The following SNTG1 variants were observed in gnomAD, a reference collection of about 807,000 sequenced individuals.
The protein encoded by SNTG1 is syntrophin gamma 1.
Under a neutral mutation model 74.7 loss-of-function variants are expected in SNTG1, and 39 were observed. The ratio of observed to expected loss-of-function variants is 0.52; its 90% CI spans 0.40 to 0.68. The LOEUF is 0.68. SNTG1 is among the 30% of genes least tolerant of loss of function. SNTG1 has a pLI of 0.00. For synonymous variants in SNTG1, 254 were observed against 217.1 expected (o/e 1.17, Z -1.49); for missense variants, 685 against 609.5 (o/e 1.12, Z -1.30).
intron 2 of SNTG1, among the ~76,000 whole-genome samples, chr8:50,383,714 G>C (rs897697307): frequency 6.6e-6 from 1 of 152,122 alleles, no homozygotes; most frequent in African/African-American, 2.4e-5. Context: ...CCTGAACGGG[G>C]TTATTGCAGT....
chr8:50,535,127 G>T (rs778951253), intron 10 of SNTG1, among the ~76,000 whole-genome samples: 1 of 152,188 alleles, frequency 6.6e-6, no homozygotes, highest in Non-Finnish European at 1.5e-5. Context: ...GAGCCATTTA[G>T]CTGGGCTAGA....
At chr8:50,705,150 A>G (rs1158254983) in intron 16 of SNTG1, among the ~76,000 whole-genome samples, 1 of 152,098 alleles carries the variant, frequency 6.6e-6, no homozygotes, top group African/African-American at 2.4e-5. Context: ...CTTTGCCTCC[A>G]TCCTTCAAAG....
At chr8:50,340,696 T>A (rs915613745) in intron 2 of SNTG1, among the ~76,000 whole-genome samples, 5 of 151,886 alleles carry the variant, frequency 3.3e-5, no homozygotes, top group Non-Finnish European at 5.9e-5. Flanking sequence ...TACCAAAGCA[T>A]GATCTATGAA....
intron 1 of SNTG1, among the ~76,000 whole-genome samples, chr8:49,998,496 C>T (rs568695690): frequency 3.2e-4 from 48 of 151,656 alleles, no homozygotes; most frequent in African/African-American, 1.1e-3. Context: ...TAAAACTGTA[C>T]AAAATATTTT....
chr8:50,038,178 C>T (rs558195142), intron 1 of SNTG1, among the ~76,000 whole-genome samples: 5 of 152,264 alleles, frequency 3.3e-5, no homozygotes, highest in African/African-American at 9.6e-5. Flanking sequence ...CTTCTGTACA[C>T]GTGGAAAACA....
intron 2 of SNTG1, among the ~76,000 whole-genome samples, chr8:50,326,494 T>C (rs2090755015): frequency 6.6e-6 from 1 of 152,010 alleles, no homozygotes. Flanking sequence ...TATTTTATAG[T>C]ATTTTTTGTT....
At chr8:50,769,788 T>A (rs1338382611) in intron 18 of SNTG1, among the ~76,000 whole-genome samples, 1 of 152,084 alleles carries the variant, frequency 6.6e-6, no homozygotes, top group East Asian at 1.9e-4. Flanking sequence ...AAACCTGATA[T>A]TGAGATACAA....
chr8:50,792,621 T>A, intron 18 of SNTG1, 50 bp from the exon 19 acceptor site: 1 of 1,527,522 alleles, frequency 6.5e-7, no homozygotes, highest in Non-Finnish European at 8.8e-7. Context: ...TATAAATTTT[T>A]AAAGACATTA....
Position 50,358,455 on chromosome 8 carries a change from A to G in SNTG1, c.-27-35757A>G, listed in dbSNP as rs17771790. ...GTTTGATATTTGGCCTTGACACACT[A>G]AAGGAGAAAATCACATAAAGTGGGA... On this transcript the variant is annotated intron_variant, in intron 2 of 18. Transcript: ENST00000642720. Among the ~76,000 whole-genome samples, 909 of 152,292 alleles carry G rather than the reference A, an allele frequency of 6.0e-3. 6 individuals are homozygous for G. The highest frequency in any genetic ancestry group is 9.6e-3 in the Non-Finnish European group (656 of 68,006).
intron 2 of SNTG1, among the ~76,000 whole-genome samples, chr8:50,315,434 A>C (rs997135580): frequency 2.7e-5 from 4 of 150,110 alleles, no homozygotes; most frequent in Admixed American, 6.7e-5. Context: ...GTATAGTAAA[A>C]GAAATAAAAA....
intron 18 of SNTG1, among the ~76,000 whole-genome samples, chr8:50,776,541 T>C (rs1372669346): frequency 2.0e-5 from 3 of 148,420 alleles, no homozygotes; most frequent in African/African-American, 7.3e-5. Context: ...TATACTATTC[T>C]TTATATAATA....
intron 15 of SNTG1, among the ~76,000 whole-genome samples, chr8:50,674,918 AT>A (rs1424361058): frequency 7.2e-5 from 11 of 152,002 alleles, no homozygotes; most frequent in Non-Finnish European, 1.5e-4. Flanking sequence ...TAATTTCATT[AT>A]TTAACCAGGA....
At chr8:50,791,483 G>A (rs149522910) in intron 18 of SNTG1, among the ~76,000 whole-genome samples, 308 of 151,756 alleles carry the variant, frequency 2.0e-3, no homozygotes, top group African/African-American at 4.1e-3. Context: ...ATGGGGTATC[G>A]TACTCCTGTT....
At chr8:50,728,250 G>A (rs1030066566) in intron 17 of SNTG1, among the ~76,000 whole-genome samples, 1 of 152,096 alleles carries the variant, frequency 6.6e-6, no homozygotes, top group Non-Finnish European at 1.5e-5. Context: ...AACTATATAC[G>A]AAGAGGCCAT....
intron 8 of SNTG1, among the ~76,000 whole-genome samples, chr8:50,455,368 G>A (rs2093495569): frequency 6.6e-6 from 1 of 152,080 alleles, no homozygotes; most frequent in Non-Finnish European, 1.5e-5. Flanking sequence ...TTGTTTCTAT[G>A]ATTCTCATGA....
rs566440415 is a variant in SNTG1, at chr8:50,645,426, C to T, written c.850-11483C>T. On this transcript the variant is annotated intron_variant, in intron 13 of 18. Transcript: ENST00000642720. ...AGTTTTAAAGTCTGTCTGGTCCCTCCAAAATTTAAATATCTTATTTGTGTG... is the reference window on the plus strand; with the variant it reads ...AGTTTTAAAGTCTGTCTGGTCCCTCTAAAATTTAAATATCTTATTTGTGTG... Among the ~76,000 whole-genome samples, 5 of 152,114 alleles carry T rather than the reference C, an allele frequency of 3.3e-5. No individual in the cohort carries two copies. In the South Asian group the frequency reaches 1.0e-3, roughly 32 times the overall value.
At chr8:50,125,525 T>C (rs916416315) in intron 1 of SNTG1, among the ~76,000 whole-genome samples, 2 of 142,218 alleles carry the variant, frequency 1.4e-5, no homozygotes, top group African/African-American at 5.1e-5. Context: ...AGTTTAAATA[T>C]GTAGTATTAG....
chr8:50,718,870 C>T (rs2095481003), intron 17 of SNTG1, among the ~76,000 whole-genome samples: 2 of 152,202 alleles, frequency 1.3e-5, no homozygotes, highest in South Asian at 4.1e-4. Context: ...AGTGCTTAAT[C>T]TCTGTCAGTG....
intron 1 of SNTG1, among the ~76,000 whole-genome samples, chr8:50,128,784 A>G (rs1270461516): frequency 2.0e-5 from 3 of 152,150 alleles, no homozygotes; most frequent in East Asian, 3.9e-4. Flanking sequence ...TATAATTACA[A>G]AAATGTTTGA....
Sources: gnomAD v4.1 joint callset for allele counts (sites outside exome capture counted in the v4.1 genomes callset) on GRCh38, gnomAD v4.1.1 for gene constraint, MANE v1.5 for transcripts, NCBI Gene and HGNC (gene_info 2026-07-23, HGNC 2026-07-21) for gene names.